Variants in PCBP4 observed in about 807,000 individuals in gnomAD.
PCBP4 encodes poly(rC)-binding protein 4.
Under a neutral mutation model 46.2 loss-of-function variants are expected in PCBP4, and 24 were observed. The ratio of observed to expected loss-of-function variants is 0.52; its 90% confidence interval spans 0.38 to 0.73. The LOEUF (loss-of-function observed/expected upper bound fraction) is 0.73, where lower values mean the gene tolerates loss of function less well. Among genes scored for constraint, PCBP4 ranks in the 30% least tolerant of loss-of-function variants. The pLI, the probability that PCBP4 is intolerant of heterozygous loss-of-function variation, is 0.00. For missense variants in PCBP4, 407 were observed against 537.0 expected (o/e 0.76, Z 2.39); for synonymous variants, 203 against 224.4 (o/e 0.90, Z 0.85).
chr3:51,958,112 T>C lies in PCBP4; in HGVS notation c.1161A>G (p.Ala387=). ...PGLAAYTAKM[A]AANGSKKAER... ...CAGCCTTCTTGCTCCCATTAGCTGC[T>C]GCCATCTTGGCAGTGTAGGCCGCCA... The change falls in exon 14 of 14, where the codon GCA becomes GCG. Residue 387 remains alanine (A), a synonymous_variant. Transcript: ENST00000461554. The surrounding 1 kb of genome is among the most constrained non-coding windows in gnomAD (Gnocchi z 5.4). 1 of 1,596,900 alleles carries C rather than the reference T, an allele frequency of 6.3e-7. No individual in the cohort carries two copies. The highest frequency in any genetic ancestry group is 8.5e-7 in the Non-Finnish European group (1 of 1,172,744).
chr3:51,961,159 C>T lies in PCBP4; in HGVS notation c.81+1G>A, dbSNP rs1339117520. 1 of 1,613,828 alleles carries T rather than the reference C, an allele frequency of 6.2e-7. No individual in the cohort carries two copies. Among genetic ancestry groups the T allele is most frequent in the Non-Finnish European group, 8.5e-7 (1 of 1,180,020 alleles). On this transcript the variant is annotated splice_donor_variant, in intron 3 of 13. Coordinates refer to ENST00000461554, the MANE Select transcript of PCBP4 (RefSeq NM_001174100.2). LOFTEE classifies it high-confidence loss of function. ...CGCCTGGCCCTCCACCTCCCGCTCA[C>T]CTTCCCGTGCATCAGCATCCGCAGC...
In PCBP4 at chr3:51,960,984, T is replaced by G. The variant is rs996655400; in HGVS notation, c.105+26A>C. On this transcript the variant is annotated intron_variant, in intron 4 of 13. Coordinates refer to ENST00000461554, the MANE Select transcript of PCBP4 (RefSeq NM_001174100.2). The surrounding 1 kb of genome is among the most constrained non-coding windows in gnomAD (Gnocchi z 5.0). Reference sequence around the variant, plus strand: ...GGCTGAAGCCTCAGCTGGAGGGGGATGTACAGAGCAGAGCTAGGCACCTAC... The same window carrying G: ...GGCTGAAGCCTCAGCTGGAGGGGGAGGTACAGAGCAGAGCTAGGCACCTAC... The G allele has an allele frequency of 1.5e-5, 25 of 1,614,034 alleles. No individual in the cohort carries two copies. Among genetic ancestry groups the G allele is most frequent in the Non-Finnish European group, 2.0e-5 (24 of 1,180,002 alleles).
Position 51,961,006 on chromosome 3 carries a change from C to G in PCBP4, c.105+4G>C. On this transcript the variant is annotated splice_donor_region_variant and intron_variant, in intron 4 of 13. Transcript: ENST00000461554. ...GGATGTACAGAGCAGAGCTAGGCACCTACCTTCCCGATGATGCTGCCCACT... is the reference window on the plus strand; with the variant it reads ...GGATGTACAGAGCAGAGCTAGGCACGTACCTTCCCGATGATGCTGCCCACT... 6.2e-7 allele frequency: 1 copy of G among 1,614,236 alleles called. No homozygotes were observed. Among genetic ancestry groups the G allele is most frequent in the Non-Finnish European group, 8.5e-7 (1 of 1,180,040 alleles).
At chr3:51,961,056 C>T (rs1285512874) in intron 3 of PCBP4, 23 bp from the exon 4 acceptor site, 10 of 1,614,224 alleles carry the variant, frequency 6.2e-6, no homozygotes, top group East Asian at 2.2e-5. Flanking sequence ...CAAGAGCCGT[C>T]AGATGGGTGC....
Position 51,958,954 on chromosome 3 carries a change from A to G in PCBP4, c.759T>C (p.Ile253=). ...TGCCCTGGCGCCCGATCACACAGCC[A>G]ATCAACTAGAGGGAAGGCAGAATTC... ...SQEFLVPNDL[I]GCVIGRQGSK... Residue 253 remains isoleucine, a synonymous_variant, in exon 13 of 14, where the codon ATT becomes ATC. Transcript: ENST00000461554. This position sits in a 1 kb window ranked among gnomAD's most constrained non-coding sequence, Gnocchi z 5.4. The G allele has an allele frequency of 1.2e-6, 2 of 1,613,840 alleles. No individual in the cohort carries two copies. The highest frequency in any genetic ancestry group is 1.7e-6 in the Non-Finnish European group (2 of 1,179,898).
chr3:51,961,319 C>G lies in PCBP4; in HGVS notation c.-64-15G>C. 3 of 1,539,830 alleles carry G rather than the reference C, an allele frequency of 1.9e-6. No individual in the cohort carries two copies. The highest frequency in any genetic ancestry group is 2.6e-6 in the Non-Finnish European group (3 of 1,145,232). ...CCTGGCCGGCTCTGGCAGGGGCAGCCAAAGAGGGGTTCGAGAGGAGCCCAG... is the reference window on the plus strand; with the variant it reads ...CCTGGCCGGCTCTGGCAGGGGCAGCGAAAGAGGGGTTCGAGAGGAGCCCAG... On this transcript the variant is annotated splice_polypyrimidine_tract_variant and intron_variant, in intron 2 of 13. Transcript: ENST00000461554.
chr3:51,964,595 C>G (rs1700328708), intron 1 of PCBP4, among the ~76,000 whole-genome samples: 1 of 152,234 alleles, frequency 6.6e-6, no homozygotes, highest in Non-Finnish European at 1.5e-5. Context: ...GCCATGCTAG[C>G]CACACCCAGT....
chr3:51,960,924 C>T lies in PCBP4; in HGVS notation c.106-26G>A, dbSNP rs1474093345. 2 of 1,614,080 alleles carry T rather than the reference C, an allele frequency of 1.2e-6. No homozygotes were observed. The highest frequency in any genetic ancestry group is 1.1e-5 in the South Asian group (1 of 91,086). On this transcript the variant is annotated intron_variant, in intron 4 of 13. Coordinates refer to ENST00000461554, the MANE Select transcript of PCBP4 (RefSeq NM_001174100.2). The surrounding 1 kb of genome is among the most constrained non-coding windows in gnomAD (Gnocchi z 5.0). ...CTGTGGGAGGTACAAAACAGATAAT[C>T]ACTCTTAACTTAGAGGTCACAGCCT... is the stretch of plus-strand genomic sequence containing the variant.
At chr3:51,961,903 A>G in intron 2 of PCBP4, 38 bp downstream of exon 2, 1 of 196,768 alleles carries the variant, frequency 5.1e-6, no homozygotes, top group Non-Finnish European at 9.2e-6. Flanking sequence ...GGCTTGAGGC[A>G]GGGGTTGAGG....
At chr3:51,961,558 G>T in intron 2 of PCBP4, 1 of 461,796 alleles carries the variant, frequency 2.2e-6, no homozygotes, top group Non-Finnish European at 3.7e-6. Flanking sequence ...CATCTCCAAA[G>T]AGTGATGAGA....
At chr3:51,964,676 G>A (rs989168607) in intron 1 of PCBP4, among the ~76,000 whole-genome samples, 2 of 152,222 alleles carry the variant, frequency 1.3e-5, no homozygotes, top group Non-Finnish European at 2.9e-5. Flanking sequence ...GCCACAGCAC[G>A]TCTGCATCGA....
Position 51,960,986 on chromosome 3 carries a change from TAC to T in PCBP4, c.105+22_105+23del. The T allele has an allele frequency of 6.2e-7, 1 of 1,614,198 alleles. No homozygotes were observed. On this transcript the variant is annotated intron_variant, in intron 4 of 13. Transcript: ENST00000461554. The surrounding 1 kb of genome is among the most constrained non-coding windows in gnomAD (Gnocchi z 5.0). The stretch of plus-strand genomic sequence containing the variant: ...CTGAAGCCTCAGCTGGAGGGGGATG[TAC>T]AGAGCAGAGCTAGGCACCTACCTTC...
At position 51,958,314 on chromosome 3, in the gene PCBP4, G is replaced by T. The variant is rs760347746; in HGVS notation, c.959C>A (p.Pro320His). ...ETAKSTSGGT[P>H]SSAPADLPAP... ...AGGCAGGTCTGCGGGGGCCGAGCTG[G>T]GCGTCCCCCCAGAGGTAGACTTGGC... The change falls in exon 14 of 14, where the codon CCC (proline) becomes CAC (histidine). Residue 320 changes from proline (P) to histidine (H), a missense_variant. Coordinates refer to ENST00000461554, the MANE Select transcript of PCBP4 (RefSeq NM_001174100.2). This position sits in a 1 kb window ranked among gnomAD's most constrained non-coding sequence, Gnocchi z 5.4. 10 of 1,530,646 alleles carry T rather than the reference G, an allele frequency of 6.5e-6. No individual in the cohort carries two copies. In the Admixed American group the frequency reaches 2.2e-4, roughly 33 times the overall value. 94.8% of individuals were successfully genotyped at this position (1,530,646 alleles called of 1,614,324 possible). A position where few individuals can be genotyped will look rare whatever the true frequency, so the allele number is the denominator to read the frequency against.
chr3:51,960,920 T>A lies in PCBP4; in HGVS notation c.106-22A>T. On this transcript the variant is annotated intron_variant, in intron 4 of 13. Transcript: ENST00000461554. The surrounding 1 kb of genome is among the most constrained non-coding windows in gnomAD (Gnocchi z 5.0). ...CCTTCTGTGGGAGGTACAAAACAGA[T>A]AATCACTCTTAACTTAGAGGTCACA... The A allele has an allele frequency of 6.2e-7, 1 of 1,614,174 alleles. No homozygotes were observed. Among genetic ancestry groups the A allele is most frequent in the Non-Finnish European group, 8.5e-7 (1 of 1,180,000 alleles).
At chr3:51,961,446 A>C in intron 2 of PCBP4, 142 bp from the exon 3 acceptor site, 1 of 999,000 alleles carries the variant, frequency 1.0e-6, no homozygotes, top group Non-Finnish European at 1.4e-6. Context: ...CATCACTCTG[A>C]CCAGGGTGCT....
At chr3:51,962,531 C>A (rs1700229873) in intron 1 of PCBP4, among the ~76,000 whole-genome samples, 2 of 152,148 alleles carry the variant, frequency 1.3e-5, no homozygotes, top group African/African-American at 4.8e-5. Flanking sequence ...CAAGACCAAG[C>A]CCTAACACTG....
chr3:51,965,752 G>A (rs1416796946), intron 1 of PCBP4, among the ~76,000 whole-genome samples: 1 of 152,182 alleles, frequency 6.6e-6, no homozygotes, highest in East Asian at 1.9e-4. Flanking sequence ...TGCCTGGACA[G>A]GATTCCTGGT....
intron 1 of PCBP4, among the ~76,000 whole-genome samples, chr3:51,962,380 C>A (rs1700221707): frequency 6.6e-6 from 1 of 152,072 alleles, no homozygotes; most frequent in Admixed American, 6.5e-5. Context: ...CGACTTAATC[C>A]TCAACCTTAA....
Position 51,960,487 on chromosome 3 carries a change from G to A in PCBP4, c.255+39C>T. ...GGAGTCAGAGTTGGGTTCCTCCTGG[G>A]GAACCACTCTTGGCGTCCTGCCCTG... On this transcript the variant is annotated intron_variant, in intron 6 of 13. Transcript: ENST00000461554. The surrounding 1 kb of genome is among the most constrained non-coding windows in gnomAD (Gnocchi z 5.0). 2 of 1,581,594 alleles carry A rather than the reference G, an allele frequency of 1.3e-6. No homozygotes were observed. The highest frequency in any genetic ancestry group is 1.7e-6 in the Non-Finnish European group (2 of 1,150,700).
Sources: allele counts gnomAD v4.1 joint callset (sites outside exome capture counted in the v4.1 genomes callset), GRCh38; gene constraint gnomAD v4.1.1; non-coding constraint Gnocchi (gnomAD v3.1); transcripts MANE v1.5; gene names NCBI Gene and HGNC (gene_info 2026-07-23, HGNC 2026-07-21).